The following PPFIBP2 variants were observed in gnomAD, a reference collection of about 807,000 sequenced individuals.
PPFIBP2 encodes the protein liprin-beta-2.
A neutral mutation model predicts 118.3 loss-of-function variants in PPFIBP2; 118 were observed. That is an observed-to-expected ratio of 1.00 (90% CI 0.86 to 1.16). The LOEUF is 1.16. PPFIBP2 is among the 50% of genes most tolerant of loss of function. The pLI, the probability that PPFIBP2 is intolerant of heterozygous loss-of-function variation, is 0.00. For synonymous variants in PPFIBP2, 414 were observed against 397.4 expected, an observed-to-expected ratio of 1.04 and a Z score of -0.50; for missense variants, 1,195 against 1,073.1, an observed-to-expected ratio of 1.11 and a Z score of -1.59.
intron 13 of PPFIBP2, 135 bp from the exon 14 acceptor site, chr11:7,635,417 C>G: frequency 1.2e-6 from 1 of 814,974 alleles, no homozygotes; most frequent in South Asian, 1.6e-5. Flanking sequence ...ATGGTGATTA[C>G]TTGACATGAA....
the PPFIBP2 span, chr11:7,665,420 T>A: frequency 6.2e-7 from 1 of 1,610,484 alleles, no homozygotes; most frequent in Non-Finnish European, 8.5e-7. Context: ...CTTCTCCAGG[T>A]TAGGGTGAGC....
chr11:7,641,294 A>G (rs1483279765), intron 15 of PPFIBP2, among the ~76,000 whole-genome samples, 185 bp from the exon 16 acceptor site: 1 of 152,166 alleles, frequency 6.6e-6, no homozygotes, highest in Non-Finnish European at 1.5e-5. Context: ...GAGCACACTA[A>G]TTTCTCAGCA....
Position 7,610,304 on chromosome 11 carries a change from G to A in PPFIBP2, c.500G>A (p.Arg167His), listed in dbSNP as rs754968016. The A allele has an allele frequency of 4.2e-5, 67 of 1,613,860 alleles. No homozygotes were observed. Among genetic ancestry groups the A allele is most frequent in the South Asian group, 1.1e-4 (10 of 91,086 alleles). ...EEMLQQELLS[R>H]TSLETQKLDL... is the part of the protein sequence containing the mutation. ...TTTTGCTTGCAGGAGCTGCTAAGCCGCACATCTCTTGAGACCCAGAAGCTC... is the reference window on the plus strand; with the variant it reads ...TTTTGCTTGCAGGAGCTGCTAAGCCACACATCTCTTGAGACCCAGAAGCTC... The change falls in exon 6 of 24, where the codon CGC (arginine) becomes CAC (histidine). Residue 167 changes from arginine to histidine, a missense_variant. Physicochemically the swap from Arg to His is conservative, Grantham distance 29 (BLOSUM62 0). Coordinates refer to ENST00000299492, the MANE Select transcript of PPFIBP2 (RefSeq NM_003621.5).
At chr11:7,581,543 G>A (rs1254511989) in intron 3 of PPFIBP2, among the ~76,000 whole-genome samples, 1 of 152,188 alleles carries the variant, frequency 6.6e-6, no homozygotes, top group African/African-American at 2.4e-5. Context: ...TCAAATGGTT[G>A]ATCTAGTAGC....
intron 5 of PPFIBP2, chr11:7,598,044 T>G: frequency 5.6e-6 from 1 of 177,646 alleles, no homozygotes; most frequent in Non-Finnish European, 1.2e-5. Context: ...TATGCCCCTT[T>G]CCCATCTCGC....
intron 2 of PPFIBP2, among the ~76,000 whole-genome samples, chr11:7,560,154 G>C (rs1590239355): frequency 6.6e-6 from 1 of 152,224 alleles, no homozygotes; most frequent in East Asian, 1.9e-4. Flanking sequence ...GCGAGGGAAA[G>C]CTAATCAACA....
At chr11:7,556,932 G>T (rs1271419358) in intron 2 of PPFIBP2, among the ~76,000 whole-genome samples, 1 of 152,132 alleles carries the variant, frequency 6.6e-6, no homozygotes, top group Non-Finnish European at 1.5e-5. Context: ...GATTTGTTTT[G>T]ATGTATCATT....
intron 1 of PPFIBP2, among the ~76,000 whole-genome samples, chr11:7,538,744 C>G (rs1483814438): frequency 6.6e-6 from 1 of 152,138 alleles, no homozygotes; most frequent in Non-Finnish European, 1.5e-5. Context: ...GCATAAAACT[C>G]ACTAACCTGG....
chr11:7,562,551 C>T (rs778391276), intron 2 of PPFIBP2, among the ~76,000 whole-genome samples: 14 of 152,220 alleles, frequency 9.2e-5, no homozygotes, highest in Admixed American at 3.3e-4. Flanking sequence ...CCACAAATTA[C>T]GAATATTAAG....
chr11:7,527,863 G>C (rs1020401908), intron 1 of PPFIBP2, among the ~76,000 whole-genome samples: 2 of 152,146 alleles, frequency 1.3e-5, no homozygotes, highest in African/African-American at 4.8e-5. Context: ...AGTAAACGAA[G>C]TTAAATAGGG....
At chr11:7,596,314 A>G (rs908661312) in intron 4 of PPFIBP2, among the ~76,000 whole-genome samples, 5 of 151,940 alleles carry the variant, frequency 3.3e-5, no homozygotes, top group Non-Finnish European at 7.4e-5. Flanking sequence ...GTGTTGGGCC[A>G]CAGGGATTAA....
intron 1 of PPFIBP2, among the ~76,000 whole-genome samples, chr11:7,536,243 G>C (rs1241582897): frequency 1.3e-5 from 2 of 152,148 alleles, no homozygotes; most frequent in African/African-American, 4.8e-5. Context: ...CGCCTCTTAA[G>C]GAAATGGGAA....
At chr11:7,641,377 A>T in intron 15 of PPFIBP2, 102 bp from the exon 16 acceptor site, 2 of 1,342,976 alleles carry the variant, frequency 1.5e-6, no homozygotes, top group Non-Finnish European at 2.1e-6. Context: ...AACTGGGCAG[A>T]TTCTCTGGAC....
At chr11:7,656,818 C>T (rs769027178), downstream of PPFIBP2, 15 of 1,289,510 alleles carry the variant, frequency 1.2e-5, 1 homozygote, top group Non-Finnish European at 1.3e-5. Context: ...TGGCTGAGAG[C>T]GTAGGGAGGC....
In PPFIBP2 at chr11:7,653,123, A is replaced by G. The variant is rs757189159; in HGVS notation, c.2536A>G (p.Ser846Gly). The change falls in exon 24 of 24, where the codon AGT becomes GGT. Residue 846 changes from serine (S) to glycine (G), a missense_variant. By Grantham distance (56) the Ser-to-Gly change is moderately conservative. Transcript: ENST00000299492. ...CCCAATGGAGCCCAGTGACGGTGTC[A>G]GTGATAGTCACAGGGTCTACAGTGG... ...ICPMEPSDGV[S>G]DSHRVYSGYR... 1 of 1,614,254 alleles carries G rather than the reference A, an allele frequency of 6.2e-7. No homozygotes were observed. The highest frequency in any genetic ancestry group is 8.5e-7 in the Non-Finnish European group (1 of 1,180,034).
At chr11:7,599,988 T>G (rs575079729) in intron 5 of PPFIBP2, among the ~76,000 whole-genome samples, 56 of 152,086 alleles carry the variant, frequency 3.7e-4, no homozygotes, top group African/African-American at 1.3e-3. Flanking sequence ...CTCTTTCCTG[T>G]GTGCTGTGGG....
intron 1 of PPFIBP2, among the ~76,000 whole-genome samples, chr11:7,542,245 G>C (rs1021934206): frequency 2.0e-5 from 3 of 152,126 alleles, no homozygotes; most frequent in African/African-American, 7.2e-5. Flanking sequence ...ACTGGTATGG[G>C]GATTAAGTGA....
At chr11:7,601,726 G>A (rs988580569) in intron 5 of PPFIBP2, among the ~76,000 whole-genome samples, 2 of 152,172 alleles carry the variant, frequency 1.3e-5, no homozygotes, top group African/African-American at 4.8e-5. Flanking sequence ...TTGGGAGGCC[G>A]AGGTGGACGG....
intron 5 of PPFIBP2, among the ~76,000 whole-genome samples, chr11:7,607,156 C>T (rs1219596932): frequency 6.7e-5 from 10 of 150,350 alleles, no homozygotes; most frequent in East Asian, 3.9e-4. Flanking sequence ...GTGATCCGCC[C>T]GCCTCGGCCT....
Sources: allele counts gnomAD v4.1 joint callset (sites outside exome capture counted in the v4.1 genomes callset), GRCh38; gene constraint gnomAD v4.1.1; transcripts MANE v1.5; gene names NCBI Gene and HGNC (gene_info 2026-07-23, HGNC 2026-07-21).